ESRRG: variants seen among roughly 807,000 people sequenced by gnomAD.
The protein encoded by ESRRG is estrogen-related receptor gamma.
ESRRG carries 13 observed loss-of-function variants against 44.0 expected under a neutral mutation model. The observed-to-expected ratio is 0.30, with a 90% CI of 0.19 to 0.47. The LOEUF (loss-of-function observed/expected upper bound fraction) is 0.47, where lower values mean the gene tolerates loss of function less well. Ranked by LOEUF, ESRRG falls within the 20% of genes least tolerant of loss-of-function variation. The pLI, the probability that ESRRG is intolerant of heterozygous loss-of-function variation, is 1.00. For missense variants in ESRRG, 395 were observed against 580.6 expected, an observed-to-expected ratio of 0.68 and a Z score of 3.29; for synonymous variants, 215 against 214.6, an observed-to-expected ratio of 1.00 and a Z score of -0.02.
chr1:216,969,572 G>T (rs1324834477), intron 1 of ESRRG, among the ~76,000 whole-genome samples: 1 of 151,936 alleles, frequency 6.6e-6, no homozygotes, highest in Non-Finnish European at 1.5e-5. Context: ...TGGACTATTG[G>T]CCCTTCTATA....
At chr1:216,675,123 G>A (rs935512010) in intron 2 of ESRRG, among the ~76,000 whole-genome samples, 5 of 152,048 alleles carry the variant, frequency 3.3e-5, no homozygotes, top group Non-Finnish European at 5.9e-5. Context: ...CACTTTGGGA[G>A]GCTGAGGCGG....
intron 1 of ESRRG, among the ~76,000 whole-genome samples, chr1:217,025,137 G>A (rs188672140): frequency 9.0e-4 from 137 of 152,296 alleles, no homozygotes; most frequent in African/African-American, 3.2e-3. Context: ...ATAAGTCCCA[G>A]AGTCTACAGC....
intron 1 of ESRRG, among the ~76,000 whole-genome samples, chr1:217,057,431 T>C (rs553768033): frequency 6.6e-6 from 1 of 152,240 alleles, no homozygotes; most frequent in Admixed American, 6.5e-5. Flanking sequence ...CAGAATAGCA[T>C]CTTATAAAAG....
chr1:216,623,864 T>G (rs180810733), intron 3 of ESRRG, among the ~76,000 whole-genome samples: 3 of 151,666 alleles, frequency 2.0e-5, no homozygotes, highest in African/African-American at 7.3e-5. Flanking sequence ...CAAACAAATA[T>G]AGAACAAAGA....
intron 1 of ESRRG, among the ~76,000 whole-genome samples, chr1:216,958,145 T>C (rs541806667): frequency 7.2e-5 from 11 of 152,322 alleles, no homozygotes; most frequent in Non-Finnish European, 1.5e-4. Flanking sequence ...TAGTATTCCA[T>C]TGTATAAATA....
intron 2 of ESRRG, among the ~76,000 whole-genome samples, chr1:216,869,431 C>T (rs1286246618): frequency 6.6e-6 from 1 of 152,086 alleles, no homozygotes; most frequent in Non-Finnish European, 1.5e-5. Context: ...TTCAATACCA[C>T]ATGGTCTTGA....
At chr1:216,826,791 C>T (rs2095405085) in intron 2 of ESRRG, among the ~76,000 whole-genome samples, 1 of 152,176 alleles carries the variant, frequency 6.6e-6, no homozygotes, top group South Asian at 2.1e-4. Flanking sequence ...GTTAGTATTA[C>T]TCTGGACTTT....
At chr1:217,120,523 C>G (rs1304039121) in intron 1 of ESRRG, among the ~76,000 whole-genome samples, 1 of 151,952 alleles carries the variant, frequency 6.6e-6, no homozygotes, top group East Asian at 1.9e-4. Context: ...GCATCTCATT[C>G]CCCTTAGAAC....
At chr1:216,914,255 T>A (rs575852915) in intron 2 of ESRRG, among the ~76,000 whole-genome samples, 25 of 152,296 alleles carry the variant, frequency 1.6e-4, no homozygotes, top group Non-Finnish European at 3.2e-4. Flanking sequence ...ATATTTGTAA[T>A]GTTTCCTGAA....
intron 3 of ESRRG, among the ~76,000 whole-genome samples, chr1:216,574,668 T>C (rs759257094): frequency 1.6e-4 from 24 of 152,082 alleles, no homozygotes; most frequent in Non-Finnish European, 3.1e-4. Context: ...TCTAGACCCA[T>C]GGAATAGTTA....
At chr1:216,624,570 T>C (rs900828518) in intron 3 of ESRRG, among the ~76,000 whole-genome samples, 1 of 152,160 alleles carries the variant, frequency 6.6e-6, no homozygotes, top group Non-Finnish European at 1.5e-5. Flanking sequence ...CAATACCACA[T>C]GGAAAATCAC....
chr1:216,891,739 A>G (rs1283142234), intron 2 of ESRRG, among the ~76,000 whole-genome samples: 2 of 151,886 alleles, frequency 1.3e-5, no homozygotes, highest in Admixed American at 6.6e-5. Context: ...TAAAGTTATC[A>G]AGAAAGAAGA....
At position 216,982,665 on chromosome 1, in the gene ESRRG, T is replaced by C. The variant is rs189485028; in HGVS notation, c.-105-42992A>G. Reference sequence around the variant, plus strand: ...ACCTTACTTAAAACCAATCTTTGGCTTCCAAACTTAAGTGTTTTTAGCCAT... The same window carrying C: ...ACCTTACTTAAAACCAATCTTTGGCCTCCAAACTTAAGTGTTTTTAGCCAT... On this transcript the variant is annotated intron_variant, in intron 1 of 7. Coordinates refer to the ESRRG transcript ENST00000359162. Among the ~76,000 whole-genome samples, 868 of 152,314 alleles carry C rather than the reference T, an allele frequency of 5.7e-3. 5 individuals carry two copies. The highest frequency in any genetic ancestry group is 8.9e-3 in the Non-Finnish European group (604 of 68,026).
At chr1:216,565,926 A>G (rs1322536295) in intron 4 of ESRRG, among the ~76,000 whole-genome samples, 1 of 152,162 alleles carries the variant, frequency 6.6e-6, no homozygotes, top group Non-Finnish European at 1.5e-5. Context: ...CAGGATTAGA[A>G]GAAAATCCAA....
At chr1:216,656,547 G>T (rs2070642438) in intron 2 of ESRRG, among the ~76,000 whole-genome samples, 1 of 152,146 alleles carries the variant, frequency 6.6e-6, no homozygotes, top group Non-Finnish European at 1.5e-5. Flanking sequence ...AGAATAACAG[G>T]GTGTATGTAA....
intron 5 of ESRRG, among the ~76,000 whole-genome samples, chr1:216,538,401 C>CATCAACCTCCTCTCAAAACT (rs2051649949): frequency 1.3e-5 from 2 of 151,864 alleles, no homozygotes; most frequent in African/African-American, 4.8e-5. Flanking sequence ...CTGTGAGAAG[C>CATCAACCTCCTCTCAAAACT]GCTTAAGAGC....
At chr1:216,814,578 T>C (rs2095075946) in intron 2 of ESRRG, among the ~76,000 whole-genome samples, 1 of 152,240 alleles carries the variant, frequency 6.6e-6, no homozygotes, top group Non-Finnish European at 1.5e-5. Context: ...TATAAATGTT[T>C]TTTAACCTAA....
chr1:216,656,338 G>T (rs139590510), intron 2 of ESRRG, among the ~76,000 whole-genome samples: 2 of 152,278 alleles, frequency 1.3e-5, no homozygotes, highest in Admixed American at 1.3e-4. Context: ...GCTGCAGAGG[G>T]AACCAAATCA....
intron 2 of ESRRG, among the ~76,000 whole-genome samples, chr1:216,785,461 C>T (rs967115148): frequency 6.6e-6 from 1 of 152,002 alleles, no homozygotes; most frequent in Non-Finnish European, 1.5e-5. Context: ...GGTGTTAGGG[C>T]ACAGTCTGCA....
Sources: allele counts gnomAD v4.1 joint callset (sites outside exome capture counted in the v4.1 genomes callset), GRCh38; gene constraint gnomAD v4.1.1; transcripts MANE v1.5; gene names NCBI Gene and HGNC (gene_info 2026-07-23, HGNC 2026-07-21).